AGPAT3: variants seen among roughly 807,000 people sequenced by gnomAD.
AGPAT3 encodes 1-acylglycerol-3-phosphate O-acyltransferase 3.
A neutral mutation model predicts 47.3 loss-of-function variants in AGPAT3; 5 were observed. The ratio of observed to expected loss-of-function variants is 0.11; its 90% CI spans 0.06 to 0.22. AGPAT3 has a LOEUF of 0.22. Among genes scored for constraint, AGPAT3 ranks in the 10% least tolerant of loss-of-function variants. AGPAT3 has a pLI of 1.00. For synonymous variants in AGPAT3, 212 were observed against 208.3 expected, an observed-to-expected ratio of 1.02 and a Z score of -0.15; for missense variants, 315 against 493.0, an observed-to-expected ratio of 0.64 and a Z score of 3.42.
At chr21:43,927,445 G>A (rs1390464331) in intron 2 of AGPAT3, among the ~76,000 whole-genome samples, 1 of 152,142 alleles carries the variant, frequency 6.6e-6, no homozygotes, top group Non-Finnish European at 1.5e-5. Context: ...AGGTTGATTG[G>A]AGGGCTGAGT....
chr21:43,888,603 A>G (rs965246424), intron 1 of AGPAT3, among the ~76,000 whole-genome samples: 2 of 152,258 alleles, frequency 1.3e-5, no homozygotes, highest in Non-Finnish European at 2.9e-5. Flanking sequence ...AGGTCAATCA[A>G]TATTCTTATA....
chr21:43,943,323 C>T (rs902755948), intron 2 of AGPAT3, among the ~76,000 whole-genome samples: 1 of 152,210 alleles, frequency 6.6e-6, no homozygotes, highest in African/African-American at 2.4e-5. Context: ...ATCCACCTGC[C>T]TCGGCCTCCC....
At position 43,959,257 on chromosome 21, in the gene AGPAT3, G is replaced by A. The variant is rs374162428; in HGVS notation, c.-48-377G>A. On this transcript the variant is annotated intron_variant, in intron 2 of 9. Transcript: ENST00000291572. ...GGTGTGTGTGTGGTGTGTGGTTTGCGGTGTGTGTGGCATGTGTGTGGCATG... is the reference window on the plus strand; with the variant it reads ...GGTGTGTGTGTGGTGTGTGGTTTGCAGTGTGTGTGGCATGTGTGTGGCATG... 6.4e-4 allele frequency among the ~76,000 whole-genome samples: 89 copies of A among 139,228 alleles called. No individual in the cohort carries two copies. In the South Asian group the frequency reaches 0.016, roughly 25 times the overall value. The allele number at this position is 139,228 out of a possible 152,430, so 91.3% of individuals were successfully genotyped here. A position where few individuals can be genotyped will look rare whatever the true frequency, so the allele number is the denominator to read the frequency against.
intron 2 of AGPAT3, among the ~76,000 whole-genome samples, chr21:43,912,927 A>G (rs964844936): frequency 6.6e-6 from 1 of 152,236 alleles, no homozygotes; most frequent in Non-Finnish European, 1.5e-5. Flanking sequence ...AGCGAGTGAA[A>G]TGCTGACTGT....
At chr21:43,938,850 A>G (rs1239543516) in intron 2 of AGPAT3, among the ~76,000 whole-genome samples, 1 of 152,168 alleles carries the variant, frequency 6.6e-6, no homozygotes, top group South Asian at 2.1e-4. Flanking sequence ...CATGGGGTCA[A>G]TGTGTTGGCC....
At chr21:43,896,927 T>C (rs1225218991) in intron 1 of AGPAT3, among the ~76,000 whole-genome samples, 1 of 151,228 alleles carries the variant, frequency 6.6e-6, no homozygotes, top group African/African-American at 2.4e-5. Context: ...TTTTTTAAAT[T>C]GAAGTTTGAC....
At chr21:43,873,482 A>T (rs1393603203) in intron 1 of AGPAT3, among the ~76,000 whole-genome samples, 2 of 152,062 alleles carry the variant, frequency 1.3e-5, no homozygotes, top group Non-Finnish European at 2.9e-5. Context: ...GGTTCAAGCG[A>T]TTCTCCTGCC....
chr21:43,957,101 G>A (rs1359744357), intron 2 of AGPAT3, among the ~76,000 whole-genome samples: 1 of 152,224 alleles, frequency 6.6e-6, no homozygotes, highest in East Asian at 1.9e-4. Context: ...ATGCCCCATA[G>A]GTTGAGAACG....
intron 1 of AGPAT3, among the ~76,000 whole-genome samples, chr21:43,871,979 A>G (rs922338040): frequency 6.6e-6 from 1 of 152,098 alleles, no homozygotes; most frequent in Non-Finnish European, 1.5e-5. Flanking sequence ...CTTGGGTCAC[A>G]AATGTATTCT....
chr21:43,914,410 A>G (rs987168234), intron 2 of AGPAT3, among the ~76,000 whole-genome samples: 5 of 152,226 alleles, frequency 3.3e-5, no homozygotes, highest in African/African-American at 1.2e-4. Flanking sequence ...TGTAGAATTC[A>G]CTTGTGAAAT....
rs2086866853 is a variant in AGPAT3, at chr21:43,920,403, CAT to C, written c.-49+16386_-49+16387del. On this transcript the variant is annotated intron_variant, in intron 2 of 9. Coordinates refer to ENST00000291572, the MANE Select transcript of AGPAT3 (RefSeq NM_020132.5). This position sits in a 1 kb window ranked among gnomAD's most constrained non-coding sequence, Gnocchi z 6.1. ...TGTGATAGTGTGATGTAATCAGAAACATACTTTGGTCTCTGGCCCTGGCTCTG... is the reference window on the plus strand; with the variant it reads ...TGTGATAGTGTGATGTAATCAGAAACACTTTGGTCTCTGGCCCTGGCTCTG... Among the ~76,000 whole-genome samples, 1 of 152,158 alleles carries C rather than the reference CAT, an allele frequency of 6.6e-6. No individual in the cohort carries two copies. The highest frequency in any genetic ancestry group is 1.5e-5 in the Non-Finnish European group (1 of 68,026).
intron 3 of AGPAT3, chr21:43,966,482 CT>C (rs1203875317): frequency 1.3e-5 from 2 of 152,314 alleles, no homozygotes; most frequent in Non-Finnish European, 2.9e-5. Context: ...GGTGACCTTT[CT>C]CTTTTAAAGG....
At chr21:43,872,005 A>C (rs1052078885) in intron 1 of AGPAT3, among the ~76,000 whole-genome samples, 2 of 152,124 alleles carry the variant, frequency 1.3e-5, no homozygotes, top group Non-Finnish European at 2.9e-5. Context: ...TTTCTGTAGA[A>C]GTTGTAAAGT....
rs896387262 is a variant in AGPAT3, at chr21:43,939,079, G to A, written c.-48-20555G>A. 1.5e-4 allele frequency among the ~76,000 whole-genome samples: 23 copies of A among 152,214 alleles called. No individual in the cohort carries two copies. The highest frequency in any genetic ancestry group is 6.5e-5 in the Admixed American group (1 of 15,294). On this transcript the variant is annotated intron_variant, in intron 2 of 9. Transcript: ENST00000291572. This position sits in a 1 kb window ranked among gnomAD's most constrained non-coding sequence, Gnocchi z 4.4. ...CGCACCAGGGCTGGGACGGGGCTGC[G>A]ACCAGGCTAGGGGAGCATCCTGGGC... is the stretch of plus-strand genomic sequence containing the variant.
chr21:43,959,548 G>T lies in AGPAT3; in HGVS notation c.-48-86G>T, dbSNP rs371465467. Reference sequence around the variant, plus strand: ...GTGTGTATAAGCGTGAGGCATGTGCGGGGTGTGCAGTGAGCAGTGCCCCGG... The same window carrying T: ...GTGTGTATAAGCGTGAGGCATGTGCTGGGTGTGCAGTGAGCAGTGCCCCGG... On this transcript the variant is annotated intron_variant, in intron 2 of 9. Coordinates refer to ENST00000291572, the MANE Select transcript of AGPAT3 (RefSeq NM_020132.5). The T allele has an allele frequency of 4.9e-6, 6 of 1,218,384 alleles. No individual in the cohort carries two copies. The East Asian group carries it at 9.5e-5, about 19-fold the overall frequency. 75.5% of individuals were successfully genotyped at this position (1,218,384 alleles called of 1,614,324 possible). A position where few individuals can be genotyped will look rare whatever the true frequency, so the allele number is the denominator to read the frequency against.
intron 2 of AGPAT3, among the ~76,000 whole-genome samples, chr21:43,912,278 G>A (rs377332083): frequency 7.2e-5 from 11 of 152,378 alleles, no homozygotes; most frequent in African/African-American, 2.2e-4. Context: ...CGCGAGCAAA[G>A]GGTGGGGCAC....
chr21:43,935,350 C>T (rs1316902089), intron 2 of AGPAT3, among the ~76,000 whole-genome samples: 1 of 152,250 alleles, frequency 6.6e-6, no homozygotes, highest in African/African-American at 2.4e-5. Flanking sequence ...GATCCCGCCT[C>T]TCTCCAGCCC....
At chr21:43,905,555 C>T (rs906816406) in intron 2 of AGPAT3, among the ~76,000 whole-genome samples, 8 of 152,132 alleles carry the variant, frequency 5.3e-5, no homozygotes, top group Admixed American at 6.5e-5. Flanking sequence ...AAGATACTAA[C>T]GATACTATAA....
At chr21:43,948,258 T>G (rs182937018) in intron 2 of AGPAT3, 4 of 152,168 alleles carry the variant, frequency 2.6e-5, no homozygotes, top group African/African-American at 9.7e-5. Context: ...ACGCCTATGG[T>G]TTCACGCTCC....
Sources: allele counts gnomAD v4.1 joint callset (sites outside exome capture counted in the v4.1 genomes callset), GRCh38; gene constraint gnomAD v4.1.1; non-coding constraint Gnocchi (gnomAD v3.1); transcripts MANE v1.5; gene names NCBI Gene and HGNC (gene_info 2026-07-23, HGNC 2026-07-21).